Variants in MYO1D observed in about 807,000 individuals in gnomAD.
MYO1D encodes unconventional myosin-Id.
MYO1D carries 83 observed loss-of-function variants against 122.0 expected under a neutral mutation model. The ratio of observed to expected loss-of-function variants is 0.68; its 90% confidence interval spans 0.57 to 0.82. The LOEUF is 0.82. Among genes scored for constraint, MYO1D ranks in the 40% least tolerant of loss-of-function variants. The pLI, the probability that MYO1D is intolerant of heterozygous loss-of-function variation, is 0.00. For missense variants in MYO1D, 1,157 were observed against 1,269.5 expected, an observed-to-expected ratio of 0.91 and a Z score of 1.35; for synonymous variants, 464 against 446.9, an observed-to-expected ratio of 1.04 and a Z score of -0.48.
chr17:32,822,420 C>A (rs2090675411), intron 1 of MYO1D, among the ~76,000 whole-genome samples: 1 of 151,676 alleles, frequency 6.6e-6, no homozygotes, highest in Non-Finnish European at 1.5e-5. Flanking sequence ...CGCCGTCCGT[C>A]CGTTCGTCTT....
chr17:32,762,909 C>T (rs1394491533), intron 8 of MYO1D, among the ~76,000 whole-genome samples: 2 of 151,120 alleles, frequency 1.3e-5, no homozygotes, highest in East Asian at 1.9e-4. Context: ...AAAAAAACGG[C>T]CGGGTGCGGT....
intron 16 of MYO1D, among the ~76,000 whole-genome samples, chr17:32,704,734 C>T (rs1390555031): frequency 1.3e-5 from 2 of 152,058 alleles, no homozygotes; most frequent in African/African-American, 2.4e-5. Flanking sequence ...GAATTGGAAA[C>T]GCCTAAATGC....
intron 19 of MYO1D, among the ~76,000 whole-genome samples, chr17:32,652,671 AC>A (rs1239932844): frequency 2.0e-5 from 3 of 151,974 alleles, no homozygotes; most frequent in African/African-American, 7.3e-5. Context: ...CCACTTCCCA[AC>A]TTCCATTTGC....
intron 15 of MYO1D, among the ~76,000 whole-genome samples, chr17:32,715,027 A>G (rs528503924): frequency 1.3e-5 from 2 of 152,336 alleles, no homozygotes; most frequent in East Asian, 1.9e-4. Flanking sequence ...ACACTTCTCA[A>G]AAAAAGACAT....
chr17:32,651,730 C>T (rs1185289118), intron 19 of MYO1D, among the ~76,000 whole-genome samples: 1 of 145,916 alleles, frequency 6.9e-6, no homozygotes, highest in Non-Finnish European at 1.5e-5. Context: ...AGCTGGAGTG[C>T]AGTGGCACGA....
At chr17:32,805,252 T>A (rs985656106) in intron 1 of MYO1D, among the ~76,000 whole-genome samples, 6 of 152,204 alleles carry the variant, frequency 3.9e-5, no homozygotes, top group Non-Finnish European at 7.4e-5. Flanking sequence ...TACATTTCTG[T>A]TGCTTATAAG....
intron 1 of MYO1D, among the ~76,000 whole-genome samples, chr17:32,788,361 C>A (rs1447064189): frequency 2.0e-5 from 3 of 152,068 alleles, no homozygotes; most frequent in African/African-American, 7.2e-5. Flanking sequence ...ATTCGTTGCC[C>A]AAGCCAATGT....
intron 19 of MYO1D, among the ~76,000 whole-genome samples, chr17:32,648,772 C>T (rs1168128678): frequency 6.6e-6 from 1 of 152,194 alleles, no homozygotes; most frequent in African/African-American, 2.4e-5. Context: ...AGACCATTGA[C>T]ATTTAATGTG....
chr17:32,829,967 A>G (rs1239363777), intron 1 of MYO1D, among the ~76,000 whole-genome samples: 1 of 152,210 alleles, frequency 6.6e-6, no homozygotes, highest in Non-Finnish European at 1.5e-5. Context: ...AGGTAACTGA[A>G]GCTTAGCCCT....
chr17:32,789,323 G>A (rs1243841079), intron 1 of MYO1D, among the ~76,000 whole-genome samples: 1 of 152,098 alleles, frequency 6.6e-6, no homozygotes, highest in African/African-American at 2.4e-5. Flanking sequence ...AGTGGTGAAC[G>A]TGGGCATTCT....
At chr17:32,808,560 T>G (rs2090541212) in intron 1 of MYO1D, among the ~76,000 whole-genome samples, 1 of 152,098 alleles carries the variant, frequency 6.6e-6, no homozygotes, top group South Asian at 2.1e-4. Flanking sequence ...AATGGAATAT[T>G]TGTGTCCCAC....
chr17:32,828,567 G>A (rs1302184338), intron 1 of MYO1D, among the ~76,000 whole-genome samples: 3 of 150,938 alleles, frequency 2.0e-5, no homozygotes, highest in African/African-American at 7.3e-5. Context: ...AGGTGTGTAC[G>A]TGAATGAGTC....
chr17:32,537,088 G>A (rs1014287657), intron 21 of MYO1D, among the ~76,000 whole-genome samples: 29 of 152,148 alleles, frequency 1.9e-4, no homozygotes, highest in Non-Finnish European at 3.2e-4. Context: ...TTCCTCCTAG[G>A]GCCGGAAGAT....
At chr17:32,711,951 G>A (rs1273886497) in intron 16 of MYO1D, 37 bp downstream of exon 16, 4 of 1,510,286 alleles carry the variant, frequency 2.6e-6, no homozygotes, top group Non-Finnish European at 3.6e-6. Flanking sequence ...GAACTTAAAA[G>A]CAAAATCTTA....
At chr17:32,749,478 C>T (rs2089876209) in intron 11 of MYO1D, among the ~76,000 whole-genome samples, 1 of 152,206 alleles carries the variant, frequency 6.6e-6, no homozygotes, top group Admixed American at 6.5e-5. Flanking sequence ...GGCCTGTAAT[C>T]CCAGCACTTT....
chr17:32,600,953 C>CT (rs59778193), intron 21 of MYO1D, among the ~76,000 whole-genome samples: 7,971 of 141,554 alleles, frequency 0.056, 273 homozygotes, highest in Middle Eastern at 0.084. Flanking sequence ...TTTCTTTTCC[C>CT]TTTTTTTTTT....
chr17:32,720,342 A>T (rs922130608), intron 15 of MYO1D, among the ~76,000 whole-genome samples: 1 of 152,152 alleles, frequency 6.6e-6, no homozygotes, highest in Non-Finnish European at 1.5e-5. Flanking sequence ...AGTGTTTTGT[A>T]TATATTATCT....
At chr17:32,668,859 G>A (rs1323832320) in intron 16 of MYO1D, among the ~76,000 whole-genome samples, 6 of 151,840 alleles carry the variant, frequency 4.0e-5, no homozygotes, top group African/African-American at 9.7e-5. Flanking sequence ...CCGCCACCAC[G>A]CCTGGCTAAT....
chr17:32,808,838 G>A (rs1468866479), intron 1 of MYO1D, among the ~76,000 whole-genome samples: 3 of 152,146 alleles, frequency 2.0e-5, no homozygotes, highest in Non-Finnish European at 2.9e-5. Context: ...CTGGCCTCCA[G>A]AACTGTCAGA....
Sources: gnomAD v4.1 joint callset for allele counts (sites outside exome capture counted in the v4.1 genomes callset) on GRCh38, gnomAD v4.1.1 for gene constraint, MANE v1.5 for transcripts, NCBI Gene and HGNC (gene_info 2026-07-23, HGNC 2026-07-21) for gene names.